The following TULP4 variants were observed in gnomAD, a reference collection of about 807,000 sequenced individuals.
The protein encoded by TULP4 is tubby-related protein 4.
TULP4 carries 16 observed loss-of-function variants against 129.0 expected under a neutral mutation model. The observed-to-expected ratio is 0.12, with a 90% CI of 0.08 to 0.19. TULP4 has a LOEUF of 0.19. Among genes scored for constraint, TULP4 ranks in the 10% least tolerant of loss-of-function variants. TULP4 has a pLI of 1.00. For synonymous variants in TULP4, 998 were observed against 854.0 expected (o/e 1.17, Z -2.94); for missense variants, 1,842 against 2,059.1 (o/e 0.89, Z 2.04).
chr6:158,432,108 AATT>A (rs1194039226), intron 3 of TULP4, among the ~76,000 whole-genome samples: 1 of 150,484 alleles, frequency 6.6e-6, no homozygotes, highest in African/African-American at 2.5e-5. Context: ...AAAAAAAAAA[AATT>A]AAAAAAAAAA....
intron 1 of TULP4, among the ~76,000 whole-genome samples, chr6:158,381,988 A>G (rs112435581): frequency 1.1e-3 from 173 of 152,224 alleles, no homozygotes; most frequent in African/African-American, 3.3e-3. Flanking sequence ...TAGGGAGGGA[A>G]CATGCTGTTT....
intron 3 of TULP4, among the ~76,000 whole-genome samples, chr6:158,444,665 C>T (rs1038656373): frequency 1.3e-5 from 2 of 152,140 alleles, no homozygotes; most frequent in African/African-American, 4.8e-5. Context: ...ATTTTATATC[C>T]TGTCTTCTCC....
chr6:158,444,219 CAAAAAA>C (rs71030171), intron 3 of TULP4, among the ~76,000 whole-genome samples: 89 of 34,140 alleles, frequency 2.6e-3, no homozygotes, highest in Non-Finnish European at 3.9e-3. Flanking sequence ...GACTCTGTCT[CAAAAAA>C]AAAAAAAAAA....
intron 1 of TULP4, among the ~76,000 whole-genome samples, chr6:158,265,587 C>T (rs2128459342): frequency 6.6e-6 from 1 of 151,714 alleles, no homozygotes; most frequent in African/African-American, 2.4e-5. Context: ...GAGGCTGAGG[C>T]AGGAGAATTG....
intron 1 of TULP4, among the ~76,000 whole-genome samples, chr6:158,381,445 A>C (rs1259513171): frequency 2.0e-5 from 3 of 152,222 alleles, no homozygotes; most frequent in Non-Finnish European, 2.9e-5. Context: ...ATGGCAGTTC[A>C]GGACAGATTT....
At chr6:158,354,844 C>T (rs532236148) in intron 1 of TULP4, among the ~76,000 whole-genome samples, 102 of 142,782 alleles carry the variant, frequency 7.1e-4, no homozygotes, top group Middle Eastern at 3.8e-3. Context: ...GCTATAACTG[C>T]GCCACTGTAC....
At chr6:158,491,989 G>T (rs1780221983) in intron 9 of TULP4, among the ~76,000 whole-genome samples, 1 of 152,046 alleles carries the variant, frequency 6.6e-6, no homozygotes, top group Non-Finnish European at 1.5e-5. Flanking sequence ...CTCCTGAGTA[G>T]CTGGGACTAT....
intron 1 of TULP4, among the ~76,000 whole-genome samples, chr6:158,328,345 C>T (rs919331067): frequency 6.6e-6 from 1 of 152,002 alleles, no homozygotes; most frequent in African/African-American, 2.4e-5. Context: ...CGTTAAGCAG[C>T]TTGCCCAAAG....
intron 1 of TULP4, among the ~76,000 whole-genome samples, chr6:158,273,809 T>G (rs899069916): frequency 9.9e-5 from 15 of 152,212 alleles, no homozygotes; most frequent in Admixed American, 9.2e-4. Flanking sequence ...TAGCTCCTAG[T>G]ATGTACCAGG....
At chr6:158,365,889 CTTTTTCTTTCTT>C (rs1780937608) in intron 1 of TULP4, among the ~76,000 whole-genome samples, 2 of 84,534 alleles carry the variant, frequency 2.4e-5, no homozygotes, top group Admixed American at 1.3e-4. Flanking sequence ...TTTTTTTTTT[CTTTTTCTTTCTT>C]TTTTTTTTTT....
chr6:158,504,219 G>GA, intron 13 of TULP4, 41 bp downstream of exon 13: 1 of 1,457,546 alleles, frequency 6.9e-7, no homozygotes, highest in Non-Finnish European at 9.2e-7. Flanking sequence ...CCCAGGAGGC[G>GA]AGGGTTTCAG....
intron 1 of TULP4, among the ~76,000 whole-genome samples, chr6:158,384,053 G>T (rs962342034): frequency 1.1e-4 from 17 of 152,190 alleles, no homozygotes; most frequent in African/African-American, 3.9e-4. Context: ...TGCCCAGTCA[G>T]GTTGGTGGGA....
Position 158,493,743 on chromosome 6 carries a change from T to C in TULP4, c.1776+26T>C, listed in dbSNP as rs1780267379. On this transcript the variant is annotated intron_variant, in intron 10 of 13. Coordinates refer to ENST00000367097, the MANE Select transcript of TULP4 (RefSeq NM_020245.5). The surrounding 1 kb of genome is among the most constrained non-coding windows in gnomAD (Gnocchi z 4.4). ...GTAGGAGCCCCCAGTTACCCTGCCT[T>C]GCTCCCCTCCTCCTGGGGGCTATGC... 1.3e-6 allele frequency: 2 copies of C among 1,519,900 alleles called. No individual in the cohort carries two copies. Among genetic ancestry groups the C allele is most frequent in the African/African-American group, 1.4e-5 (1 of 71,176 alleles). The allele number at this position is 1,519,900 out of a possible 1,614,324, so 94.2% of individuals were successfully genotyped here. A position where few individuals can be genotyped will look rare whatever the true frequency, so the allele number is the denominator to read the frequency against.
chr6:158,246,971 C>G (rs1778042230), intron 1 of TULP4, among the ~76,000 whole-genome samples: 1 of 152,112 alleles, frequency 6.6e-6, no homozygotes. Flanking sequence ...GAACATCTTT[C>G]TCACTGTTAT....
chr6:158,503,249 A>G lies in TULP4; in HGVS notation c.3586A>G (p.Asn1196Asp). ...GMGVPYPGSY[N>D]NPPLPGVQAP... ...GGGAGTGCCATATCCAGGAAGCTAT[A>G]ACAACCCCCCTTTGCCTGGAGTGCA... The change falls in exon 13 of 14, where the codon AAC becomes GAC. Residue 1196 changes from asparagine to aspartate, a missense_variant. By Grantham distance (23) the Asn-to-Asp change is conservative. Transcript: ENST00000367097. This position sits in a 1 kb window ranked among gnomAD's most constrained non-coding sequence, Gnocchi z 4.3. 6.2e-7 allele frequency: 1 copy of G among 1,613,882 alleles called. No individual in the cohort carries two copies. Among genetic ancestry groups the G allele is most frequent in the South Asian group, 1.1e-5 (1 of 91,062 alleles).
intron 8 of TULP4, among the ~76,000 whole-genome samples, chr6:158,486,409 C>T (rs558891762): frequency 4.9e-4 from 74 of 152,136 alleles, no homozygotes; most frequent in African/African-American, 1.3e-3. Flanking sequence ...AAAAATTAGC[C>T]GGGCGTGGTG....
chr6:158,442,965 C>G (rs1778934712), intron 3 of TULP4, among the ~76,000 whole-genome samples: 1 of 151,674 alleles, frequency 6.6e-6, no homozygotes, highest in Admixed American at 6.6e-5. Context: ...TTACAGGCAT[C>G]CACCACCATC....
intron 1 of TULP4, among the ~76,000 whole-genome samples, chr6:158,259,479 G>A (rs1335090895): frequency 6.6e-6 from 1 of 152,236 alleles, no homozygotes. Context: ...TATTCTGTGT[G>A]AATTGTGAAC....
At position 158,367,172 on chromosome 6, in the gene TULP4, G is replaced by C. The variant is rs564735811; in HGVS notation, c.253-45893G>C. 2.6e-5 allele frequency among the ~76,000 whole-genome samples: 4 copies of C among 152,250 alleles called. No homozygotes were observed. The South Asian group carries it at 8.3e-4, about 32-fold the overall frequency. On this transcript the variant is annotated intron_variant, in intron 1 of 13. Transcript: ENST00000367097. ...TCTCAGTACCCACCTGCTTTCCTCTGACCTGGCTTCAGAGACCTGGATGCT... is the reference window on the plus strand; with the variant it reads ...TCTCAGTACCCACCTGCTTTCCTCTCACCTGGCTTCAGAGACCTGGATGCT...
Sources: allele counts gnomAD v4.1 joint callset (sites outside exome capture counted in the v4.1 genomes callset), GRCh38; gene constraint gnomAD v4.1.1; non-coding constraint Gnocchi (gnomAD v3.1); transcripts MANE v1.5; gene names NCBI Gene and HGNC (gene_info 2026-07-23, HGNC 2026-07-21).